LRRC40: variants seen among roughly 807,000 people sequenced by gnomAD.
The protein encoded by LRRC40 is leucine rich repeat containing 40.
A neutral mutation model predicts 72.8 loss-of-function variants in LRRC40; 76 were observed. The observed-to-expected ratio is 1.04, with a 90% CI of 0.87 to 1.26. The LOEUF (loss-of-function observed/expected upper bound fraction) is 1.26, where lower values mean the gene tolerates loss of function less well. Ranked by LOEUF, LRRC40 falls within the 50% of genes most tolerant of loss-of-function variation. LRRC40 has a pLI of 0.00. For missense variants in LRRC40, 684 were observed against 698.9 expected, an observed-to-expected ratio of 0.98 and a Z score of 0.24; for synonymous variants, 243 against 254.2, an observed-to-expected ratio of 0.96 and a Z score of 0.42.
intron 13 of LRRC40, 39 bp downstream of exon 13, chr1:70,151,089 T>C: frequency 8.4e-7 from 1 of 1,185,444 alleles, no homozygotes; most frequent in Non-Finnish European, 1.2e-6. Context: ...GATCTACATA[T>C]TTCCACAGAA....
chr1:70,173,733 A>G, intron 7 of LRRC40, 24 bp from the exon 8 acceptor site: 1 of 1,199,420 alleles, frequency 8.3e-7, no homozygotes, highest in African/African-American at 1.5e-5. Context: ...AATTGATTTC[A>G]GGGAAAGCAT....
chr1:70,183,497 C>CA (rs1401029189), intron 4 of LRRC40, among the ~76,000 whole-genome samples: 1 of 151,726 alleles, frequency 6.6e-6, no homozygotes, highest in Non-Finnish European at 1.5e-5. Flanking sequence ...TTACTTTTGA[C>CA]AAATTTTCTT....
chr1:70,159,331 T>C lies in LRRC40; in HGVS notation c.1219A>G (p.Ser407Gly). Reference protein sequence around the residue: ...AIITLKILDYSDKQATLIPDE... With the variant: ...AIITLKILDYGDKQATLIPDE... Reference sequence around the variant, plus strand: ...TAAAAATAATAATAAATTACATACCTATAGTCTAATATTTTTAATGTAATG... The same window carrying C: ...TAAAAATAATAATAAATTACATACCCATAGTCTAATATTTTTAATGTAATG... The change falls in exon 10 of 15, where the codon AGT becomes GGT. Residue 407 changes from serine to glycine, a missense_variant and splice_region_variant. Coordinates refer to ENST00000370952, the MANE Select transcript of LRRC40 (RefSeq NM_017768.5). 1 of 1,301,500 alleles carries C rather than the reference T, an allele frequency of 7.7e-7. No individual in the cohort carries two copies. The highest frequency in any genetic ancestry group is 1.7e-5 in the Admixed American group (1 of 57,224). 80.6% of individuals were successfully genotyped at this position (1,301,500 alleles called of 1,614,324 possible). A position where few individuals can be genotyped will look rare whatever the true frequency, so the allele number is the denominator to read the frequency against.
At chr1:70,189,832 T>C (rs980280364) in intron 1 of LRRC40, among the ~76,000 whole-genome samples, 2 of 152,202 alleles carry the variant, frequency 1.3e-5, no homozygotes, top group Admixed American at 6.5e-5. Context: ...AGAAAATGTA[T>C]AATTTGGCCA....
chr1:70,152,567 T>A (rs1489886632), intron 11 of LRRC40, 24 bp from the exon 12 acceptor site: 1 of 1,257,308 alleles, frequency 8.0e-7, no homozygotes, highest in Non-Finnish European at 1.2e-6. Context: ...AATTTTAAAA[T>A]GTTAGCACTT....
chr1:70,202,006 C>T (rs767307791), intron 1 of LRRC40, among the ~76,000 whole-genome samples: 23 of 152,032 alleles, frequency 1.5e-4, no homozygotes, highest in Admixed American at 6.6e-4. Context: ...AATAAAATAA[C>T]GAAATACACC....
chr1:70,148,423 AAAAC>A lies in LRRC40; in HGVS notation c.1703+60_1703+63del, dbSNP rs528321998. On this transcript the variant is annotated intron_variant, in intron 14 of 14. Transcript: ENST00000370952. ...TTCTTGCAAATTTATCTGAAAAAGA[AAAAC>A]AAATCACTTCAACAAATCAATAAAA... 4.6e-4 allele frequency: 498 copies of A among 1,085,604 alleles called. 1 individual carries two copies. In the East Asian group the frequency reaches 0.01, roughly 23 times the overall value. 67.2% of individuals were successfully genotyped at this position (1,085,604 alleles called of 1,614,324 possible).
At chr1:70,175,760 T>C in intron 7 of LRRC40, 50 bp downstream of exon 7, 1 of 1,305,632 alleles carries the variant, frequency 7.7e-7, no homozygotes, top group Non-Finnish European at 1.0e-6. Context: ...AAATTATGAA[T>C]TATAACCAAA....
chr1:70,190,410 G>A (rs942710968), intron 1 of LRRC40, among the ~76,000 whole-genome samples: 5 of 151,888 alleles, frequency 3.3e-5, no homozygotes, highest in Non-Finnish European at 5.9e-5. Context: ...GCCAGTTGTA[G>A]TGCCTCAGGG....
chr1:70,196,502 A>T (rs1466457837), intron 1 of LRRC40, among the ~76,000 whole-genome samples: 1 of 152,124 alleles, frequency 6.6e-6, no homozygotes, highest in Non-Finnish European at 1.5e-5. Flanking sequence ...GTGAGCTATG[A>T]CTGTGCCACT....
intron 9 of LRRC40, among the ~76,000 whole-genome samples, chr1:70,167,801 G>C (rs1294158213): frequency 3.3e-5 from 5 of 152,006 alleles, no homozygotes; most frequent in African/African-American, 1.2e-4. Flanking sequence ...TTTTAGTAGA[G>C]ATGGGGTTTC....
chr1:70,157,537 TAGATTGTCTG>T (rs1029206996), intron 10 of LRRC40, among the ~76,000 whole-genome samples: 58 of 152,310 alleles, frequency 3.8e-4, no homozygotes, highest in African/African-American at 1.4e-3. Context: ...TACTACTTTA[TAGATTGTCTG>T]CATGATTAAA....
intron 5 of LRRC40, 42 bp from the exon 6 acceptor site, chr1:70,179,035 A>C: frequency 7.5e-7 from 1 of 1,336,892 alleles, no homozygotes; most frequent in Non-Finnish European, 1.0e-6. Flanking sequence ...AGAGAAAAAA[A>C]AATTAGTTTC....
chr1:70,160,943 T>G (rs1667744702), intron 9 of LRRC40, among the ~76,000 whole-genome samples: 1 of 151,482 alleles, frequency 6.6e-6, no homozygotes, highest in Non-Finnish European at 1.5e-5. Flanking sequence ...TTAATTACCA[T>G]AAAATTTCAA....
chr1:70,173,519 G>T lies in LRRC40; in HGVS notation c.1066-9C>A, dbSNP rs748485163. ...ACTTCTTGTGTTCCTTTCTAGAAGGGTGGAGACAAAGACATTCACCAAGAC... is the reference window on the plus strand; with the variant it reads ...ACTTCTTGTGTTCCTTTCTAGAAGGTTGGAGACAAAGACATTCACCAAGAC... On this transcript the variant is annotated splice_polypyrimidine_tract_variant and intron_variant, in intron 8 of 14. Transcript: ENST00000370952. The T allele has an allele frequency of 3.1e-6, 5 of 1,604,172 alleles. No homozygotes were observed. Among genetic ancestry groups the T allele is most frequent in the Non-Finnish European group, 4.3e-6 (5 of 1,171,806 alleles).
intron 13 of LRRC40, among the ~76,000 whole-genome samples, chr1:70,150,034 G>A (rs891093722): frequency 1.1e-4 from 16 of 152,044 alleles, no homozygotes; most frequent in Non-Finnish European, 2.2e-4. Flanking sequence ...CGATTCTCCT[G>A]CCTCAGCCTC....
At chr1:70,201,312 G>A (rs763487173) in intron 1 of LRRC40, among the ~76,000 whole-genome samples, 7 of 152,072 alleles carry the variant, frequency 4.6e-5, no homozygotes, top group Non-Finnish European at 8.8e-5. Context: ...CAGTACAAGG[G>A]ACAAGTTAGT....
chr1:70,156,267 CTAAAATTAGTTTAATTAATT>C (rs531092445), intron 10 of LRRC40, among the ~76,000 whole-genome samples: 105 of 152,136 alleles, frequency 6.9e-4, no homozygotes, highest in African/African-American at 2.2e-3. Flanking sequence ...ACTAAACTAA[CTAAAATTAGTTTAATTAATT>C]TAAAATTAGT....
intron 9 of LRRC40, among the ~76,000 whole-genome samples, chr1:70,162,419 T>C (rs945741727): frequency 6.6e-6 from 1 of 152,110 alleles, no homozygotes; most frequent in African/African-American, 2.4e-5. Flanking sequence ...TGGGAACTTG[T>C]TAGAAATGCA....
Sources: gnomAD v4.1 joint callset for allele counts (sites outside exome capture counted in the v4.1 genomes callset) on GRCh38, gnomAD v4.1.1 for gene constraint, MANE v1.5 for transcripts, NCBI Gene and HGNC (gene_info 2026-07-23, HGNC 2026-07-21) for gene names.